GRM7: variants seen among roughly 807,000 people sequenced by gnomAD.
GRM7 encodes the protein metabotropic glutamate receptor 7.
Under a neutral mutation model 84.5 loss-of-function variants are expected in GRM7, and 35 were observed. The ratio of observed to expected loss-of-function variants is 0.41; its 90% CI spans 0.32 to 0.55. The LOEUF is 0.55. Ranked by LOEUF, GRM7 falls within the 20% of genes least tolerant of loss-of-function variation. GRM7 has a pLI of 0.19. For missense variants in GRM7, 1,003 were observed against 1,194.6 expected (o/e 0.84, Z 2.36); for synonymous variants, 487 against 455.1 (o/e 1.07, Z -0.89).
chr3:7,413,924 C>A (rs1206876722), intron 4 of GRM7, among the ~76,000 whole-genome samples: 1 of 152,056 alleles, frequency 6.6e-6, no homozygotes, highest in Non-Finnish European at 1.5e-5. Flanking sequence ...TGATGCAATT[C>A]CCACCAAAAT....
At chr3:6,874,254 A>T (rs112553321) in intron 1 of GRM7, among the ~76,000 whole-genome samples, 1 of 152,224 alleles carries the variant, frequency 6.6e-6, no homozygotes, top group African/African-American at 2.4e-5. Context: ...ACTCATTATC[A>T]GTAAGTAGCT....
intron 4 of GRM7, among the ~76,000 whole-genome samples, chr3:7,350,044 C>T (rs954832135): frequency 2.6e-5 from 4 of 152,012 alleles, no homozygotes; most frequent in Admixed American, 6.6e-5. Flanking sequence ...TCACTTGATC[C>T]GTGTAGCAGG....
intron 8 of GRM7, among the ~76,000 whole-genome samples, chr3:7,654,950 C>T (rs545437554): frequency 6.6e-6 from 1 of 152,314 alleles, no homozygotes; most frequent in African/African-American, 2.4e-5. Context: ...CCTCTCTTCC[C>T]TTTCCCTCTT....
intron 2 of GRM7, among the ~76,000 whole-genome samples, chr3:7,290,727 CT>C (rs1292647987): frequency 6.6e-6 from 1 of 152,188 alleles, no homozygotes; most frequent in East Asian, 1.9e-4. Context: ...TGCAACCATG[CT>C]TATCTCTCCA....
At chr3:6,959,528 A>G (rs940345421) in intron 1 of GRM7, among the ~76,000 whole-genome samples, 3 of 152,154 alleles carry the variant, frequency 2.0e-5, no homozygotes, top group Non-Finnish European at 4.4e-5. Flanking sequence ...CTGTGAGGCT[A>G]TGAAAAGACT....
intron 8 of GRM7, among the ~76,000 whole-genome samples, chr3:7,629,824 A>T (rs1223323965): frequency 6.6e-6 from 1 of 152,156 alleles, no homozygotes; most frequent in Non-Finnish European, 1.5e-5. Flanking sequence ...AGTTTTTTTT[A>T]AATCTCCCAG....
chr3:7,208,158 C>T (rs17825034), intron 2 of GRM7, among the ~76,000 whole-genome samples: 44,869 of 152,106 alleles, frequency 0.29, 7,441 homozygotes, highest in Non-Finnish European at 0.38. Flanking sequence ...CCATTCGATA[C>T]CTCTCCAAAA....
At chr3:7,420,266 G>A (rs537863602) in intron 5 of GRM7, among the ~76,000 whole-genome samples, 141 of 102,440 alleles carry the variant, frequency 1.4e-3, no homozygotes, top group Non-Finnish European at 2.2e-3. Flanking sequence ...AATAATTGAT[G>A]ATTATACTGA....
At chr3:7,318,962 TAGG>T (rs1326108208) in intron 4 of GRM7, among the ~76,000 whole-genome samples, 1 of 152,094 alleles carries the variant, frequency 6.6e-6, no homozygotes, top group Non-Finnish European at 1.5e-5. Context: ...GTTTGGATTT[TAGG>T]AGGTTTTGGC....
At chr3:7,731,995 A>G (rs161887) in intron 9 of GRM7, among the ~76,000 whole-genome samples, 109,913 of 151,982 alleles carry the variant, frequency 0.72, 40,898 homozygotes, top group African/African-American at 0.9. Flanking sequence ...TGAACGAGAT[A>G]ATATGAGTGC....
At chr3:7,509,753 AGCGGG>A (rs1229892836) in intron 7 of GRM7, among the ~76,000 whole-genome samples, 1 of 152,164 alleles carries the variant, frequency 6.6e-6, no homozygotes. Flanking sequence ...GTACGTGACA[AGCGGG>A]GCCAAGGCTT....
intron 1 of GRM7, among the ~76,000 whole-genome samples, chr3:7,051,503 ACT>A (rs1343396215): frequency 2.0e-5 from 3 of 151,598 alleles, no homozygotes; most frequent in Non-Finnish European, 3.0e-5. Flanking sequence ...GTCTAAAGAG[ACT>A]CTAGCTGTGG....
At chr3:7,690,051 A>G (rs1700738877) in intron 9 of GRM7, among the ~76,000 whole-genome samples, 1 of 152,228 alleles carries the variant, frequency 6.6e-6, no homozygotes, top group Admixed American at 6.5e-5. Context: ...GGCTCCAGGC[A>G]GCCATAAACG....
intron 1 of GRM7, among the ~76,000 whole-genome samples, chr3:6,929,997 C>A (rs1697445493): frequency 6.6e-6 from 1 of 152,112 alleles, no homozygotes; most frequent in Admixed American, 6.6e-5. Context: ...TTTTCCCCAA[C>A]CCATATGTGG....
At chr3:7,196,439 A>G (rs1293443232) in intron 2 of GRM7, among the ~76,000 whole-genome samples, 1 of 152,150 alleles carries the variant, frequency 6.6e-6, no homozygotes, top group East Asian at 1.9e-4. Flanking sequence ...TTCACTGTAG[A>G]GTCTGGCCCC....
intron 2 of GRM7, among the ~76,000 whole-genome samples, chr3:7,275,440 G>T (rs1230372878): frequency 1.3e-5 from 2 of 152,168 alleles, no homozygotes; most frequent in Non-Finnish European, 2.9e-5. Context: ...GGGAGGGAAA[G>T]AATTTTATAA....
intron 7 of GRM7, among the ~76,000 whole-genome samples, chr3:7,501,003 G>T (rs983112884): frequency 6.6e-6 from 1 of 152,220 alleles, no homozygotes; most frequent in Non-Finnish European, 1.5e-5. Context: ...GTTCATCTAT[G>T]CAAGACACTG....
rs1553632699 is a variant in GRM7 at position 7,656,522 on chromosome 3, A to AAAT, written c.2452-23526_2452-23525insATA. ...AAAAACAAACAAACAAATAAAAAAA[A>AAAT]ATATATATATATATATACGCGCGCG... On this transcript the variant is annotated intron_variant, in intron 8 of 9. Coordinates refer to ENST00000357716, the MANE Select transcript of GRM7 (RefSeq NM_000844.4). 9.2e-3 allele frequency among the ~76,000 whole-genome samples: 1,190 copies of AAAT among 128,660 alleles called. 22 individuals are homozygous for AAAT. The highest frequency in any genetic ancestry group is 0.031 in the African/African-American group (1,098 of 35,190). 84.4% of individuals were successfully genotyped at this position (128,660 alleles called of 152,430 possible). A position where few individuals can be genotyped will look rare whatever the true frequency, so the allele number is the denominator to read the frequency against.
chr3:7,561,162 C>G (rs535042976), intron 7 of GRM7, among the ~76,000 whole-genome samples: 2 of 152,070 alleles, frequency 1.3e-5, no homozygotes, highest in Admixed American at 1.3e-4. Flanking sequence ...TGCTTTCTTG[C>G]GTTTTCTCAA....
Sources: allele counts gnomAD v4.1 joint callset (sites outside exome capture counted in the v4.1 genomes callset), GRCh38; gene constraint gnomAD v4.1.1; transcripts MANE v1.5; gene names NCBI Gene and HGNC (gene_info 2026-07-23, HGNC 2026-07-21).